LOXL2: variants seen among roughly 807,000 people sequenced by gnomAD.
LOXL2 encodes the protein lysyl oxidase homolog 2.
Under a neutral mutation model 93.0 loss-of-function variants are expected in LOXL2, and 70 were observed. The ratio of observed to expected loss-of-function variants is 0.75; its 90% confidence interval spans 0.62 to 0.92. The LOEUF (loss-of-function observed/expected upper bound fraction) is 0.92. Ranked by LOEUF, LOXL2 falls within the 40% of genes least tolerant of loss-of-function variation. The pLI, the probability that LOXL2 is intolerant of heterozygous loss-of-function variation, is 0.00. For synonymous variants in LOXL2, 438 were observed against 413.2 expected (o/e 1.06, Z -0.73); for missense variants, 973 against 1,054.9 (o/e 0.92, Z 1.08).
At chr8:23,328,330 C>A (rs970529204) in intron 6 of LOXL2, 52 bp downstream of exon 6, 2 of 1,581,358 alleles carry the variant, frequency 1.3e-6, no homozygotes, top group South Asian at 1.1e-5. Context: ...GCTGGGCTCA[C>A]GGCACCATGC....
intron 10 of LOXL2, among the ~76,000 whole-genome samples, chr8:23,308,985 TATA>T (rs1365928671): frequency 7.1e-6 from 1 of 141,770 alleles, no homozygotes; most frequent in Admixed American, 6.8e-5. Flanking sequence ...TATATATATA[TATA>T]TATTTTTTTT....
intron 3 of LOXL2, among the ~76,000 whole-genome samples, chr8:23,359,606 A>G (rs1241604326): frequency 6.6e-6 from 1 of 152,216 alleles, no homozygotes; most frequent in Non-Finnish European, 1.5e-5. Flanking sequence ...AGAATCAAGT[A>G]GCTAAGCCCT....
intron 1 of LOXL2, among the ~76,000 whole-genome samples, chr8:23,394,350 G>A (rs564406147): frequency 6.9e-6 from 1 of 145,598 alleles, no homozygotes; most frequent in South Asian, 2.2e-4. Context: ...CCGAGATCGT[G>A]CCACTGCACT....
chr8:23,319,474 C>A (rs928556652), intron 8 of LOXL2, among the ~76,000 whole-genome samples: 1 of 152,168 alleles, frequency 6.6e-6, no homozygotes, highest in Non-Finnish European at 1.5e-5. Context: ...TTCAAGGGAG[C>A]AAGCTAAGGC....
chr8:23,387,077 C>T (rs527832370), intron 1 of LOXL2, among the ~76,000 whole-genome samples: 29 of 152,094 alleles, frequency 1.9e-4, no homozygotes, highest in African/African-American at 3.4e-4. Context: ...GGCAAGGTGC[C>T]GAAGGACTGA....
chr8:23,353,791 A>C (rs55756281), intron 3 of LOXL2, among the ~76,000 whole-genome samples: 7,784 of 152,308 alleles, frequency 0.051, 200 homozygotes, highest in Admixed American at 0.083. Context: ...ATGAATGCAC[A>C]CTATGTCATT....
intron 1 of LOXL2, among the ~76,000 whole-genome samples, chr8:23,379,285 GT>G (rs1804637628): frequency 6.6e-6 from 1 of 152,190 alleles, no homozygotes; most frequent in Admixed American, 6.5e-5. Flanking sequence ...CTGCCTGATT[GT>G]TCCTCTGGAA....
intron 2 of LOXL2, chr8:23,363,618 C>G (rs750219740): frequency 1.3e-5 from 2 of 152,098 alleles, no homozygotes; most frequent in Non-Finnish European, 2.9e-5. Context: ...TGAGAGAAAC[C>G]CCCCTCGCTA....
intron 1 of LOXL2, among the ~76,000 whole-genome samples, chr8:23,402,045 CACAT>C (rs1272161363): frequency 6.6e-5 from 10 of 151,792 alleles, no homozygotes; most frequent in African/African-American, 2.2e-4. Context: ...TGCGTGCACA[CACAT>C]ACACACAAGT....
intron 5 of LOXL2, chr8:23,328,885 C>T: frequency 4.0e-6 from 1 of 247,658 alleles, no homozygotes; most frequent in Non-Finnish European, 7.8e-6. Flanking sequence ...TCACCCCAAC[C>T]TTTGCGTGGC....
chr8:23,398,039 A>G (rs548045114), intron 1 of LOXL2, among the ~76,000 whole-genome samples: 141 of 152,238 alleles, frequency 9.3e-4, no homozygotes, highest in Admixed American at 2.0e-3. Context: ...AGATATTTAG[A>G]AAAGTATCTT....
At chr8:23,317,150 A>G (rs1803416546) in intron 8 of LOXL2, 36 bp from the exon 9 acceptor site, 4 of 1,600,638 alleles carry the variant, frequency 2.5e-6, no homozygotes, top group Non-Finnish European at 3.4e-6. Flanking sequence ...TGGGTACATC[A>G]TCTCAAACTG....
chr8:23,326,821 C>G (rs963149781), intron 6 of LOXL2, among the ~76,000 whole-genome samples: 6 of 152,182 alleles, frequency 3.9e-5, no homozygotes, highest in Non-Finnish European at 5.9e-5. Flanking sequence ...CCAATGGAAG[C>G]TGCCAGGTGG....
chr8:23,322,752 T>C (rs1441561963), intron 6 of LOXL2, among the ~76,000 whole-genome samples: 1 of 152,144 alleles, frequency 6.6e-6, no homozygotes, highest in Non-Finnish European at 1.5e-5. Flanking sequence ...AAGGTATGGA[T>C]GGAGTGAAGG....
In LOXL2 at chr8:23,303,404, C is replaced by CGA. The variant is rs767501288; in HGVS notation, c.1881-9_1881-8dup. The CGA allele has an allele frequency of 1.6e-5, 24 of 1,537,008 alleles. No individual in the cohort carries two copies. In the East Asian group the frequency reaches 4.9e-4, roughly 32 times the overall value. On this transcript the variant is annotated splice_polypyrimidine_tract_variant and splice_region_variant and intron_variant, in intron 10 of 13. Coordinates refer to ENST00000389131, the MANE Select transcript of LOXL2 (RefSeq NM_002318.3). ...CTCCATGCTGTGGTAGTGCCTGGAG[C>CGA]GAGAGAGAGATGGCCTGGAGGTCAG... is the stretch of plus-strand genomic sequence containing the variant.
chr8:23,309,961 GCTTCTA>G, intron 9 of LOXL2, 50 bp from the exon 10 acceptor site: 1 of 1,407,872 alleles, frequency 7.1e-7, no homozygotes, highest in Non-Finnish European at 9.3e-7. Flanking sequence ...CCTCCCCAGG[GCTTCTA>G]CTTCTGATTC....
chr8:23,330,935 A>C (rs1803665896), intron 5 of LOXL2, among the ~76,000 whole-genome samples: 1 of 152,036 alleles, frequency 6.6e-6, no homozygotes, highest in Non-Finnish European at 1.5e-5. Context: ...GGGACTGAGG[A>C]GGCAGGGCCT....
chr8:23,314,607 C>A (rs1803364167), intron 9 of LOXL2, among the ~76,000 whole-genome samples: 2 of 150,712 alleles, frequency 1.3e-5, no homozygotes, highest in Admixed American at 1.3e-4. Flanking sequence ...AACACACGGA[C>A]ACAGGAAGGG....
At chr8:23,328,708 G>GCTGT in intron 5 of LOXL2, 143 bp from the exon 6 acceptor site, 3 of 422,706 alleles carry the variant, frequency 7.1e-6, no homozygotes, top group Non-Finnish European at 1.3e-5. Context: ...TTGATGTATG[G>GCTGT]ATGTGTGTGT....
Sources: gnomAD v4.1 joint callset for allele counts (sites outside exome capture counted in the v4.1 genomes callset) on GRCh38, gnomAD v4.1.1 for gene constraint, MANE v1.5 for transcripts, NCBI Gene and HGNC (gene_info 2026-07-23, HGNC 2026-07-21) for gene names.